Variants in PDIA5 observed in about 807,000 individuals in gnomAD.
The protein encoded by PDIA5 is protein disulfide isomerase family A member 5.
A neutral mutation model predicts 77.6 loss-of-function variants in PDIA5; 58 were observed. The observed-to-expected ratio is 0.75, with a 90% CI of 0.61 to 0.93. The LOEUF (loss-of-function observed/expected upper bound fraction) is 0.93, where lower values mean the gene tolerates loss of function less well. Among genes scored for constraint, PDIA5 ranks in the 40% least tolerant of loss-of-function variants. The pLI is 0.00. For synonymous variants in PDIA5, 250 were observed against 252.1 expected, an observed-to-expected ratio of 0.99 and a Z score of 0.08; for missense variants, 630 against 647.7, an observed-to-expected ratio of 0.97 and a Z score of 0.30.
rs761732946 is a variant in PDIA5 at position 123,150,406 on chromosome 3, G to A, written c.1273+42G>A. 74 of 1,584,320 alleles carry A rather than the reference G, an allele frequency of 4.7e-5. No homozygotes were observed. In the South Asian group the frequency reaches 8.5e-4, roughly 18 times the overall value. On this transcript the variant is annotated intron_variant, in intron 14 of 16. Transcript: ENST00000316218. ...CTCACTGAGTGGCACAGTAAGAGGG[G>A]TTTGGCCCCACCAAACCAAAAAGAC...
intron 3 of PDIA5, among the ~76,000 whole-genome samples, chr3:123,095,524 C>T (rs368141341): frequency 5.3e-5 from 8 of 151,806 alleles, no homozygotes; most frequent in Middle Eastern, 3.2e-3. Context: ...CCAAGGCAGG[C>T]GGATTACCTG....
chr3:123,070,847 T>G (rs969960449), intron 1 of PDIA5, among the ~76,000 whole-genome samples: 7 of 152,138 alleles, frequency 4.6e-5, no homozygotes, highest in African/African-American at 1.7e-4. Flanking sequence ...CCTAGCTCAG[T>G]GGTTCTCAAG....
At chr3:123,102,690 C>G in intron 4 of PDIA5, 61 bp from the exon 5 acceptor site, 2 of 1,369,376 alleles carry the variant, frequency 1.5e-6, no homozygotes, top group Non-Finnish European at 2.1e-6. Flanking sequence ...TGCAGGAAAC[C>G]AAAGGTATGT....
At chr3:123,157,740 C>A (rs879298918) in intron 15 of PDIA5, among the ~76,000 whole-genome samples, 1 of 152,234 alleles carries the variant, frequency 6.6e-6, no homozygotes, top group African/African-American at 2.4e-5. Context: ...GGAGCCTCCA[C>A]CCCCTCCCGG....
intron 1 of PDIA5, among the ~76,000 whole-genome samples, chr3:123,069,329 G>C (rs1242017891): frequency 6.6e-6 from 1 of 152,176 alleles, no homozygotes. Flanking sequence ...TTCGTGTACA[G>C]GGATATACAC....
rs373527551 is a variant in PDIA5, at chr3:123,150,230, G to A, written c.1143-4G>A. The A allele has an allele frequency of 4.7e-4, 753 of 1,609,094 alleles. 9 individuals carry two copies. Among genetic ancestry groups the A allele is most frequent in the Non-Finnish European group, 7.0e-5 (83 of 1,177,402 alleles). On this transcript the variant is annotated splice_polypyrimidine_tract_variant and splice_region_variant and intron_variant, in intron 13 of 16. Coordinates refer to ENST00000316218, the MANE Select transcript of PDIA5 (RefSeq NM_006810.4). The stretch of plus-strand genomic sequence containing the variant: ...TGCCTCCCCACTCCCCTGGCTTCTT[G>A]CAGCCCTGAGGCCCCCCCGCCCCCA...
At chr3:123,082,807 C>G (rs926546763) in intron 1 of PDIA5, among the ~76,000 whole-genome samples, 7 of 152,170 alleles carry the variant, frequency 4.6e-5, no homozygotes, top group African/African-American at 1.7e-4. Context: ...CATTGGTATT[C>G]TCCTCTCCAC....
At chr3:123,139,491 A>G (rs1379488082) in intron 11 of PDIA5, among the ~76,000 whole-genome samples, 3 of 152,216 alleles carry the variant, frequency 2.0e-5, no homozygotes, top group South Asian at 4.1e-4. Context: ...TGATGCTAGA[A>G]TTGAAAACCT....
chr3:123,159,214 TGGGCATGGGGCCTCAGCCTCTGGCTGCA>T (rs1424963228), intron 15 of PDIA5, among the ~76,000 whole-genome samples: 4 of 152,362 alleles, frequency 2.6e-5, no homozygotes, highest in African/African-American at 7.2e-5. Flanking sequence ...TGGCCCGGGC[TGGGCATGGGGCCTCAGCCTCTGGCTGCA>T]GGGAAGGAAA....
chr3:123,115,353 T>C (rs542842057), intron 7 of PDIA5, among the ~76,000 whole-genome samples: 1 of 152,184 alleles, frequency 6.6e-6, no homozygotes, highest in Admixed American at 6.5e-5. Flanking sequence ...TTTTAGTGGA[T>C]GTTTGGGACC....
At chr3:123,067,231 G>C in intron 1 of PDIA5, 25 bp downstream of exon 1, 3 of 1,243,122 alleles carry the variant, frequency 2.4e-6, no homozygotes, top group African/African-American at 1.6e-5. Context: ...CAGGGATCCG[G>C]GCCGGGCCAG....
intron 1 of PDIA5, among the ~76,000 whole-genome samples, chr3:123,080,529 G>C (rs1248233466): frequency 6.6e-6 from 1 of 152,166 alleles, no homozygotes; most frequent in East Asian, 1.9e-4. Flanking sequence ...CTGGCACCAG[G>C]TGACCAAAGT....
chr3:123,116,216 C>A lies in PDIA5; in HGVS notation c.542-15C>A. 1 of 1,613,060 alleles carries A rather than the reference C, an allele frequency of 6.2e-7. No individual in the cohort carries two copies. The highest frequency in any genetic ancestry group is 1.3e-5 in the African/African-American group (1 of 75,038). ...CCCTGTAACCGGATGTGGTCTCTCT[C>A]CTGCCTGTGACCAGGGTGCAGCATG... On this transcript the variant is annotated splice_polypyrimidine_tract_variant and intron_variant, in intron 7 of 16. Transcript: ENST00000316218.
intron 6 of PDIA5, among the ~76,000 whole-genome samples, chr3:123,110,207 G>A (rs1934828368): frequency 6.6e-6 from 1 of 152,144 alleles, no homozygotes; most frequent in Non-Finnish European, 1.5e-5. Context: ...GCACTGTGTG[G>A]CCATTTGTCT....
At chr3:123,102,671 T>C (rs1934632628) in intron 4 of PDIA5, 80 bp from the exon 5 acceptor site, 13 of 1,242,880 alleles carry the variant, frequency 1.0e-5, no homozygotes, top group Admixed American at 5.2e-5. Flanking sequence ...CTGAATCTTA[T>C]TAAGATGCTG....
chr3:123,119,721 G>A (rs1201962979), intron 8 of PDIA5, among the ~76,000 whole-genome samples: 1 of 152,180 alleles, frequency 6.6e-6, no homozygotes, highest in Non-Finnish European at 1.5e-5. Flanking sequence ...ACTAATAAAT[G>A]GGCTGCTATT....
chr3:123,147,425 C>T (rs1050813084), intron 13 of PDIA5, among the ~76,000 whole-genome samples: 13 of 152,134 alleles, frequency 8.5e-5, no homozygotes, highest in African/African-American at 2.4e-4. Context: ...TGAACCTATA[C>T]GGTCTGAGCT....
chr3:123,161,413 C>G lies in PDIA5; in HGVS notation c.1437C>G (p.Tyr479Ter). 1 of 1,614,146 alleles carries G rather than the reference C, an allele frequency of 6.2e-7. No individual in the cohort carries two copies. Among genetic ancestry groups the G allele is most frequent in the Non-Finnish European group, 8.5e-7 (1 of 1,180,016 alleles). The change falls in exon 16 of 17, where the codon TAC becomes TAG. Residue 479 changes from tyrosine (Y) to a stop codon, truncating the protein, a stop_gained. Transcript: ENST00000316218. LOFTEE classifies it high-confidence loss of function. ...AGGGCTACCCCACTTTCCACTACTACCACTATGGGAAGTTCGCAGAAAAGT... is the reference window on the plus strand; with the variant it reads ...AGGGCTACCCCACTTTCCACTACTAGCACTATGGGAAGTTCGCAGAAAAGT... The part of the protein sequence containing the change: ...AVKGYPTFHY[Y>*]HYGKFAEKYD...
chr3:123,159,963 T>C (rs1936119375), intron 15 of PDIA5, among the ~76,000 whole-genome samples: 1 of 152,254 alleles, frequency 6.6e-6, no homozygotes, highest in Admixed American at 6.5e-5. Context: ...ACCAAAGAAC[T>C]GTGTGAATCA....
Sources: allele counts gnomAD v4.1 joint callset (sites outside exome capture counted in the v4.1 genomes callset), GRCh38; gene constraint gnomAD v4.1.1; transcripts MANE v1.5; gene names NCBI Gene and HGNC (gene_info 2026-07-23, HGNC 2026-07-21).